The following KLF12 variants were observed in gnomAD, a reference collection of about 807,000 sequenced individuals.
KLF12 encodes the protein KLF transcription factor 12.
Under a neutral mutation model 37.8 loss-of-function variants are expected in KLF12, and 9 were observed. That is an observed-to-expected ratio of 0.24 (90% CI 0.14 to 0.42). KLF12 has a LOEUF of 0.42. Ranked by LOEUF, KLF12 falls within the 10% of genes least tolerant of loss-of-function variation. KLF12 has a pLI of 1.00. For synonymous variants in KLF12, 208 were observed against 202.1 expected (o/e 1.03, Z -0.25); for missense variants, 411 against 516.0 (o/e 0.80, Z 1.97).
chr13:73,910,877 G>T (rs1180657547), intron 3 of KLF12, among the ~76,000 whole-genome samples: 1 of 152,212 alleles, frequency 6.6e-6, no homozygotes, highest in Admixed American at 6.5e-5. Flanking sequence ...AGTGAAACTG[G>T]TAGCTTCATT....
chr13:73,868,727 G>C (rs757005173), intron 3 of KLF12, among the ~76,000 whole-genome samples: 1 of 152,050 alleles, frequency 6.6e-6, no homozygotes, highest in South Asian at 2.1e-4. Flanking sequence ...GGTTTATTCC[G>C]ATAAATTTTT....
the KLF12 span, among the ~76,000 whole-genome samples, chr13:74,305,662 C>T: frequency 3.9e-5 from 6 of 151,956 alleles, no homozygotes; most frequent in African/African-American, 4.8e-5. Flanking sequence ...AAATATTTTT[C>T]GTCTCCCCGA....
chr13:73,914,827 T>C (rs891416746), intron 3 of KLF12, among the ~76,000 whole-genome samples: 3 of 152,204 alleles, frequency 2.0e-5, no homozygotes, highest in African/African-American at 7.2e-5. Context: ...TTTTTCCTTT[T>C]GGGATCCTAC....
intron 1 of KLF12, among the ~76,000 whole-genome samples, chr13:74,103,270 A>G (rs1341462044): frequency 6.6e-6 from 1 of 152,348 alleles, no homozygotes; most frequent in South Asian, 2.1e-4. Flanking sequence ...CTGTTGAAAA[A>G]TTTCCATAAT....
intron 1 of KLF12, among the ~76,000 whole-genome samples, chr13:74,029,631 A>G (rs916686064): frequency 8.5e-5 from 13 of 152,192 alleles, no homozygotes; most frequent in Non-Finnish European, 1.6e-4. Flanking sequence ...GGTACCTAGT[A>G]TCACTCTTAC....
At chr13:73,724,939 T>C (rs1219435019) in intron 6 of KLF12, among the ~76,000 whole-genome samples, 1 of 152,092 alleles carries the variant, frequency 6.6e-6, no homozygotes, top group Non-Finnish European at 1.5e-5. Context: ...TTCTTTCTTT[T>C]TACATCAGAT....
At chr13:73,797,689 G>A in intron 5 of KLF12, among the ~76,000 whole-genome samples, 1 of 146,344 alleles carries the variant, frequency 6.8e-6, no homozygotes, top group Non-Finnish European at 1.5e-5. Flanking sequence ...ATGATCCCTT[G>A]AGCCCAGGAG....
At chr13:74,208,101 A>C in the KLF12 span, among the ~76,000 whole-genome samples, 2 of 152,200 alleles carry the variant, frequency 1.3e-5, no homozygotes, top group African/African-American at 4.8e-5. Flanking sequence ...TCTATTTTTG[A>C]CATTAGGAAT....
At chr13:74,224,049 T>A in the KLF12 span, among the ~76,000 whole-genome samples, 5 of 152,116 alleles carry the variant, frequency 3.3e-5, no homozygotes, top group African/African-American at 1.2e-4. Context: ...GTATTTCCCC[T>A]AAAAAACAAA....
chr13:74,088,037 G>A, intron 1 of KLF12, among the ~76,000 whole-genome samples: 1 of 152,104 alleles, frequency 6.6e-6, no homozygotes, highest in Admixed American at 6.5e-5. Context: ...GTGATTGGAG[G>A]AGGGAGTGGT....
At chr13:73,898,855 G>A (rs17061664) in intron 3 of KLF12, among the ~76,000 whole-genome samples, 12,780 of 152,232 alleles carry the variant, frequency 0.084, 571 homozygotes, top group East Asian at 0.12. Flanking sequence ...AAGGATGGAC[G>A]GGTGAGGACA....
At chr13:74,291,015 T>G in the KLF12 span, among the ~76,000 whole-genome samples, 1 of 152,248 alleles carries the variant, frequency 6.6e-6, no homozygotes, top group Non-Finnish European at 1.5e-5. Flanking sequence ...TTCCACTTAT[T>G]CTACAACAAC....
intron 3 of KLF12, among the ~76,000 whole-genome samples, chr13:73,941,221 G>T (rs1222951466): frequency 1.3e-5 from 2 of 151,954 alleles, no homozygotes; most frequent in Non-Finnish European, 2.9e-5. Context: ...AGTTTCTATC[G>T]CTTTTTGTTC....
chr13:73,927,023 T>C (rs993143568), intron 3 of KLF12, among the ~76,000 whole-genome samples: 5 of 151,214 alleles, frequency 3.3e-5, no homozygotes, highest in Non-Finnish European at 7.4e-5. Context: ...CGAAATAGCA[T>C]AAAAAATGTG....
At chr13:74,137,891 G>A (rs1878604141), upstream of KLF12, among the ~76,000 whole-genome samples, 1 of 152,204 alleles carries the variant, frequency 6.6e-6, no homozygotes, top group Non-Finnish European at 1.5e-5. Context: ...CTCACAAGTA[G>A]CTAGGATTAC....
At chr13:74,056,212 G>A (rs1566521527) in intron 1 of KLF12, among the ~76,000 whole-genome samples, 1 of 152,020 alleles carries the variant, frequency 6.6e-6, no homozygotes, top group Non-Finnish European at 1.5e-5. Context: ...GGCAAGAATG[G>A]AGCCCACACT....
chr13:73,999,053 G>GT (rs112725909), intron 1 of KLF12, among the ~76,000 whole-genome samples: 11,624 of 152,170 alleles, frequency 0.076, 679 homozygotes, highest in African/African-American at 0.17. Context: ...GCAAACTAGA[G>GT]TTTTTTAACA....
chr13:74,078,414 G>A (rs1273511527), intron 1 of KLF12, among the ~76,000 whole-genome samples: 3 of 152,136 alleles, frequency 2.0e-5, no homozygotes, highest in Non-Finnish European at 2.9e-5. Flanking sequence ...CAGAAGACAC[G>A]TGCTTGTGGA....
chr13:73,867,212 G>C (rs751581539), intron 3 of KLF12, among the ~76,000 whole-genome samples: 1 of 151,558 alleles, frequency 6.6e-6, no homozygotes, highest in Non-Finnish European at 1.5e-5. Flanking sequence ...TTAAATATAA[G>C]AAAATAAAAG....
Sources: allele counts gnomAD v4.1 joint callset (sites outside exome capture counted in the v4.1 genomes callset), GRCh38; gene constraint gnomAD v4.1.1; transcripts MANE v1.5; gene names NCBI Gene and HGNC (gene_info 2026-07-23, HGNC 2026-07-21).